Variants in DNAJC11 observed in about 807,000 individuals in gnomAD.
DNAJC11 encodes the protein dnaJ homolog subfamily C member 11.
In DNAJC11, 15 loss-of-function variants were observed where a neutral mutation model predicts 78.6. That is an observed-to-expected ratio of 0.19 (90% CI 0.13 to 0.29). DNAJC11 has a LOEUF of 0.29. DNAJC11 is among the 10% of genes least tolerant of loss of function. The probability of loss-of-function intolerance (pLI) is 1.00; values close to 1 mark genes in which losing one functional copy is unlikely to be tolerated. For missense variants in DNAJC11, 547 were observed against 709.6 expected (o/e 0.77, Z 2.60); for synonymous variants, 292 against 272.1 (o/e 1.07, Z -0.72).
chr1:6,698,851 A>C (rs1048049491), intron 1 of DNAJC11, among the ~76,000 whole-genome samples: 1 of 151,354 alleles, frequency 6.6e-6, no homozygotes, highest in African/African-American at 2.4e-5. Flanking sequence ...CTGAGGTGGG[A>C]GGATCACCTG....
intron 3 of DNAJC11, among the ~76,000 whole-genome samples, chr1:6,675,086 A>AT (rs1330378866): frequency 6.6e-6 from 1 of 152,236 alleles, no homozygotes; most frequent in African/African-American, 2.4e-5. Flanking sequence ...CAGCTGTAGG[A>AT]ATTCCTTGAA....
chr1:6,639,476 C>T (rs1000717582), intron 11 of DNAJC11, among the ~76,000 whole-genome samples: 1 of 151,998 alleles, frequency 6.6e-6, no homozygotes, highest in Non-Finnish European at 1.5e-5. Flanking sequence ...ATTACAGGCA[C>T]GTGCCACCAC....
chr1:6,675,386 A>AC (rs767213511), intron 3 of DNAJC11, among the ~76,000 whole-genome samples: 11 of 151,292 alleles, frequency 7.3e-5, no homozygotes, highest in Non-Finnish European at 1.2e-4. Flanking sequence ...GCCACCCACG[A>AC]CTGTGCACTT....
chr1:6,684,176 G>A (rs949967933), intron 1 of DNAJC11, among the ~76,000 whole-genome samples: 2 of 151,938 alleles, frequency 1.3e-5, no homozygotes, highest in Non-Finnish European at 2.9e-5. Flanking sequence ...TGCCTCCTGG[G>A]TTCAAGTAAT....
chr1:6,669,979 A>G (rs1225597276), intron 3 of DNAJC11, among the ~76,000 whole-genome samples: 3 of 148,766 alleles, frequency 2.0e-5, no homozygotes, highest in Non-Finnish European at 3.0e-5. Flanking sequence ...TTTGAGACGG[A>G]GTCTTGCTTT....
chr1:6,663,575 C>G (rs1018884771), intron 4 of DNAJC11, among the ~76,000 whole-genome samples: 2 of 152,178 alleles, frequency 1.3e-5, no homozygotes, highest in Non-Finnish European at 2.9e-5. Context: ...GCAAATAAAA[C>G]AGAAATCCGA....
chr1:6,678,108 C>A (rs890940097), intron 3 of DNAJC11, among the ~76,000 whole-genome samples: 5 of 152,170 alleles, frequency 3.3e-5, no homozygotes, highest in Admixed American at 6.5e-5. Flanking sequence ...TCCCGCCCCA[C>A]ACCTGGGTTA....
At chr1:6,674,589 C>T (rs1001187638) in intron 3 of DNAJC11, among the ~76,000 whole-genome samples, 3 of 151,736 alleles carry the variant, frequency 2.0e-5, no homozygotes, top group African/African-American at 7.3e-5. Context: ...ATTAGCAGGG[C>T]GTGGTGATGC....
At chr1:6,679,711 T>C (rs1401714346) in intron 2 of DNAJC11, among the ~76,000 whole-genome samples, 1 of 152,236 alleles carries the variant, frequency 6.6e-6, no homozygotes, top group Non-Finnish European at 1.5e-5. Flanking sequence ...AGTCTCCCTT[T>C]AAGCTAAACA....
chr1:6,668,726 G>A (rs1004461819), intron 3 of DNAJC11, among the ~76,000 whole-genome samples: 7 of 152,092 alleles, frequency 4.6e-5, no homozygotes, highest in Non-Finnish European at 7.4e-5. Context: ...GAGCCACCAT[G>A]TCTGGTGGGT....
intron 1 of DNAJC11, among the ~76,000 whole-genome samples, chr1:6,695,227 C>T (rs913827397): frequency 2.6e-5 from 4 of 151,668 alleles, no homozygotes; most frequent in Non-Finnish European, 5.9e-5. Context: ...TCTCAAACTC[C>T]TGGACTTAAG....
rs2148729821 is a variant in DNAJC11, at chr1:6,644,599, A to G, written c.1056T>C (p.Ala352=). 1 of 1,614,232 alleles carries G rather than the reference A, an allele frequency of 6.2e-7. No individual in the cohort carries two copies. The highest frequency in any genetic ancestry group is 8.5e-7 in the Non-Finnish European group (1 of 1,180,040). Reference sequence around the variant, plus strand: ...CACCCTGTGGAACTCCAACGCTGACAGCTGCACCCAAAACGCTGTGCCTGG... The same window carrying G: ...CACCCTGTGGAACTCCAACGCTGACGGCTGCACCCAAAACGCTGTGCCTGG... ...KISRHSVLGA[A]VSVGVPQGVS... The change falls in exon 10 of 16, where the codon GCT becomes GCC. Residue 352 remains alanine, a synonymous_variant. Transcript: ENST00000377577.
chr1:6,639,165 A>C (rs1174939229), intron 11 of DNAJC11, among the ~76,000 whole-genome samples: 1 of 152,146 alleles, frequency 6.6e-6, no homozygotes, highest in Non-Finnish European at 1.5e-5. Flanking sequence ...CCAATGGATT[A>C]TCTAAGAAAC....
chr1:6,673,324 T>C (rs539325719), intron 3 of DNAJC11, among the ~76,000 whole-genome samples: 95 of 151,178 alleles, frequency 6.3e-4, no homozygotes, highest in African/African-American at 2.2e-3. Flanking sequence ...ACTGACTTTA[T>C]TGATGAAAGG....
At chr1:6,688,661 T>A (rs1422266758) in intron 1 of DNAJC11, among the ~76,000 whole-genome samples, 2 of 152,172 alleles carry the variant, frequency 1.3e-5, no homozygotes, top group Admixed American at 6.5e-5. Context: ...AAAGAAAACT[T>A]CATGGAGGTG....
intron 3 of DNAJC11, among the ~76,000 whole-genome samples, chr1:6,677,936 C>T (rs1391343250): frequency 1.3e-5 from 2 of 152,228 alleles, no homozygotes; most frequent in South Asian, 2.1e-4. Context: ...ATTTTGCTCA[C>T]GTGCATAACA....
At chr1:6,681,136 A>G (rs1486430624) in intron 1 of DNAJC11, 99 bp from the exon 2 acceptor site, 8 of 1,293,350 alleles carry the variant, frequency 6.2e-6, no homozygotes, top group Non-Finnish European at 8.5e-6. Flanking sequence ...GCCACGTCCC[A>G]ATGTGTTTGC....
At chr1:6,661,807 C>T (rs578066685) in intron 4 of DNAJC11, among the ~76,000 whole-genome samples, 97 of 152,308 alleles carry the variant, frequency 6.4e-4, no homozygotes, top group Non-Finnish European at 1.2e-3. Context: ...TAACCATGGG[C>T]GACTTTGCTG....
intron 7 of DNAJC11, among the ~76,000 whole-genome samples, chr1:6,647,912 C>G (rs1483177062): frequency 6.6e-6 from 1 of 152,212 alleles, no homozygotes; most frequent in Non-Finnish European, 1.5e-5. Flanking sequence ...TAAATCTGCT[C>G]AAGTCTAATA....
Sources: allele counts gnomAD v4.1 joint callset (sites outside exome capture counted in the v4.1 genomes callset), GRCh38; gene constraint gnomAD v4.1.1; transcripts MANE v1.5; gene names NCBI Gene and HGNC (gene_info 2026-07-23, HGNC 2026-07-21).